The following TFB1M variants were observed in gnomAD, a reference collection of about 807,000 sequenced individuals.
The protein encoded by TFB1M is dimethyladenosine transferase 1, mitochondrial.
TFB1M carries 27 observed loss-of-function variants against 31.1 expected under a neutral mutation model. The ratio of observed to expected loss-of-function variants is 0.87; its 90% CI spans 0.64 to 1.20. The LOEUF (loss-of-function observed/expected upper bound fraction) is 1.20, where lower values mean the gene tolerates loss of function less well. Ranked by LOEUF, TFB1M falls within the 50% of genes most tolerant of loss-of-function variation. The probability of loss-of-function intolerance (pLI) is 0.00; values close to 1 mark genes in which losing one functional copy is unlikely to be tolerated. For missense variants in TFB1M, 394 were observed against 418.7 expected (o/e 0.94, Z 0.51); for synonymous variants, 166 against 151.8 (o/e 1.09, Z -0.69).
intron 2 of TFB1M, among the ~76,000 whole-genome samples, chr6:155,305,670 A>AAT (rs1173792819): frequency 1.2e-5 from 1 of 86,652 alleles, no homozygotes; most frequent in Non-Finnish European, 2.0e-5. Context: ...TATATATATA[A>AAT]ATATATATTA....
At chr6:155,240,556 C>G in the TFB1M span, 1 of 1,613,888 alleles carries the variant, frequency 6.2e-7, no homozygotes, top group Non-Finnish European at 8.5e-7. Context: ...CTGCACTGTG[C>G]AGGAGTTTTA....
chr6:155,281,294 T>C (rs1193999795), intron 5 of TFB1M, among the ~76,000 whole-genome samples: 1 of 152,228 alleles, frequency 6.6e-6, no homozygotes, highest in Non-Finnish European at 1.5e-5. Context: ...CTCTCAAAAC[T>C]AGCAGTACTG....
chr6:155,245,755 G>GGTTTT, the TFB1M span: 1 of 1,022,126 alleles, frequency 9.8e-7, no homozygotes, highest in Non-Finnish European at 1.4e-6. Context: ...GCCTTTTATA[G>GGTTTT]TTTTTTTTTT....
chr6:155,232,365 A>G, the TFB1M span, among the ~76,000 whole-genome samples: 1 of 152,030 alleles, frequency 6.6e-6, no homozygotes, highest in Admixed American at 6.6e-5. Context: ...GAGATTATTT[A>G]GTAGTGCAGC....
intron 4 of TFB1M, among the ~76,000 whole-genome samples, chr6:155,296,722 C>G (rs1777191924): frequency 7.7e-6 from 1 of 129,864 alleles, no homozygotes. Context: ...CTGTGTTTAC[C>G]ACACTACCTC....
Position 155,256,518 on chromosome 6 carries a change from C to G in TFB1M, c.*1318G>C. On this transcript the variant is annotated 3_prime_UTR_variant, in exon 7 of 7. Transcript: ENST00000367166. ...GGTCTTTAAAAGTCCTGAAGAATTCCTCCAGCAACGAGTGGACCGGTGAGA... is the reference window on the plus strand; with the variant it reads ...GGTCTTTAAAAGTCCTGAAGAATTCGTCCAGCAACGAGTGGACCGGTGAGA... 1 of 1,614,186 alleles carries G rather than the reference C, an allele frequency of 6.2e-7. No homozygotes were observed. The highest frequency in any genetic ancestry group is 8.5e-7 in the Non-Finnish European group (1 of 1,180,036).
intron 2 of TFB1M, among the ~76,000 whole-genome samples, chr6:155,307,224 G>C (rs1027710925): frequency 2.0e-5 from 3 of 152,034 alleles, no homozygotes; most frequent in African/African-American, 7.3e-5. Context: ...GCAGTTTACT[G>C]AGCATCAACT....
chr6:155,296,003 T>C (rs952338699), intron 4 of TFB1M, among the ~76,000 whole-genome samples: 15 of 152,140 alleles, frequency 9.9e-5, no homozygotes, highest in African/African-American at 3.6e-4. Context: ...TATACTCTTG[T>C]ACTTATATGT....
At chr6:155,260,748 T>C in intron 5 of TFB1M, 1 of 348,720 alleles carries the variant, frequency 2.9e-6, no homozygotes. Flanking sequence ...ATTTTAGTTT[T>C]TGAATGAGGA....
downstream of TFB1M, chr6:155,252,885 G>C: frequency 6.9e-7 from 1 of 1,443,264 alleles, no homozygotes; most frequent in South Asian, 1.2e-5. Flanking sequence ...TATTCACTGT[G>C]CACACATCCT....
downstream of TFB1M, chr6:155,255,581 A>G (rs1230360928): frequency 6.6e-6 from 1 of 151,742 alleles, no homozygotes; most frequent in Non-Finnish European, 1.5e-5. Context: ...CAAAACTGAG[A>G]ACTCCCTTCC....
intron 5 of TFB1M, among the ~76,000 whole-genome samples, chr6:155,268,979 A>T (rs9478634): frequency 1.5e-4 from 12 of 81,176 alleles, no homozygotes; most frequent in East Asian, 3.4e-3. Context: ...AAAAAAAATT[A>T]AAAAATTAAA....
At chr6:155,243,846 C>CAAA in the TFB1M span, among the ~76,000 whole-genome samples, 98 of 55,050 alleles carry the variant, frequency 1.8e-3, 1 homozygote, top group African/African-American at 4.0e-3. Flanking sequence ...GACTCCGTCT[C>CAAA]AAAAAAAAAA....
intron 5 of TFB1M, chr6:155,275,952 A>T: frequency 1.9e-6 from 3 of 1,614,206 alleles, no homozygotes; most frequent in Non-Finnish European, 1.7e-6. Context: ...ATCCACGTGC[A>T]GGCTGCGAGA....
intron 2 of TFB1M, among the ~76,000 whole-genome samples, chr6:155,307,185 C>T (rs1777818214): frequency 6.7e-6 from 1 of 148,528 alleles, no homozygotes; most frequent in African/African-American, 2.5e-5. Flanking sequence ...ACAGACAAAT[C>T]CTCAGTAATT....
chr6:155,306,758 G>T (rs770509644), intron 2 of TFB1M, among the ~76,000 whole-genome samples: 4 of 152,110 alleles, frequency 2.6e-5, no homozygotes, highest in Non-Finnish European at 5.9e-5. Flanking sequence ...AGAAACATGA[G>T]GAATCCTGAG....
At chr6:155,233,177 G>GTGA in the TFB1M span, among the ~76,000 whole-genome samples, 1 of 152,312 alleles carries the variant, frequency 6.6e-6, no homozygotes, top group Non-Finnish European at 1.5e-5. Context: ...TCTGGGTAAT[G>GTGA]TGATGTACCT....
intron 5 of TFB1M, among the ~76,000 whole-genome samples, chr6:155,264,834 A>G (rs923653755): frequency 6.6e-6 from 1 of 152,204 alleles, no homozygotes; most frequent in African/African-American, 2.4e-5. Context: ...AAATGTACAT[A>G]TGTATGTATG....
In TFB1M at chr6:155,257,820, C is replaced by T. The variant is rs761627741; in HGVS notation, c.*16G>A. The T allele has an allele frequency of 6.8e-6, 11 of 1,613,736 alleles. No individual in the cohort carries two copies. The African/African-American group carries it at 8.0e-5, about 12-fold the overall frequency. The stretch of plus-strand genomic sequence containing the variant: ...GCAAATCGACATCTGGTAGGCTGCT[C>T]GCCCCCAGGCAGCAGCTAGAGTCTG... On this transcript the variant is annotated 3_prime_UTR_variant, in exon 7 of 7. Transcript: ENST00000367166.
Sources: allele counts gnomAD v4.1 joint callset (sites outside exome capture counted in the v4.1 genomes callset), GRCh38; gene constraint gnomAD v4.1.1; transcripts MANE v1.5; gene names NCBI Gene and HGNC (gene_info 2026-07-23, HGNC 2026-07-21).